Variants in MAP7 observed in about 807,000 individuals in gnomAD.
MAP7 encodes the protein microtubule associated protein 7.
In MAP7, 52 loss-of-function variants were observed where a neutral mutation model predicts 94.8. That is an observed-to-expected ratio of 0.55 (90% confidence interval 0.44 to 0.69). MAP7 has a LOEUF of 0.69. MAP7 is among the 30% of genes least tolerant of loss of function. MAP7 has a pLI of 0.00. For missense variants in MAP7, 940 were observed against 964.6 expected (o/e 0.97, Z 0.34); for synonymous variants, 350 against 357.0 (o/e 0.98, Z 0.22).
chr6:136,471,831 C>T (rs1267227676), intron 1 of MAP7, among the ~76,000 whole-genome samples: 1 of 152,072 alleles, frequency 6.6e-6, no homozygotes, highest in East Asian at 1.9e-4. Flanking sequence ...TCAAGCCTTC[C>T]CACTCTTCTT....
intron 1 of MAP7, among the ~76,000 whole-genome samples, chr6:136,427,929 G>A (rs993001318): frequency 6.6e-6 from 1 of 152,126 alleles, no homozygotes; most frequent in Non-Finnish European, 1.5e-5. Flanking sequence ...GTATGACCAT[G>A]ATAGAAAATG....
rs564700724 is a variant in MAP7, at chr6:136,391,327, C to T, written c.245-1810G>A. Among the ~76,000 whole-genome samples the T allele has an allele frequency of 2.8e-5, 4 of 142,610 alleles. No individual in the cohort carries two copies. In the South Asian group the frequency reaches 6.9e-4, roughly 24 times the overall value. 93.6% of individuals were successfully genotyped at this position (142,610 alleles called of 152,430 possible). Reference sequence around the variant, plus strand: ...CAAAAAACCAAACACTGCATATTCTCACTCATAGGTGGGAATTGAACAATG... The same window carrying T: ...CAAAAAACCAAACACTGCATATTCTTACTCATAGGTGGGAATTGAACAATG... On this transcript the variant is annotated intron_variant, in intron 3 of 17. Coordinates refer to ENST00000354570, the MANE Select transcript of MAP7 (RefSeq NM_003980.6).
At chr6:136,377,511 C>A (rs1776508573) in intron 7 of MAP7, among the ~76,000 whole-genome samples, 1 of 152,160 alleles carries the variant, frequency 6.6e-6, no homozygotes. Flanking sequence ...CAGACAGAAG[C>A]CTCTGAAGCC....
chr6:136,382,763 T>C (rs1017621855), intron 6 of MAP7, among the ~76,000 whole-genome samples: 4 of 152,104 alleles, frequency 2.6e-5, no homozygotes, highest in Non-Finnish European at 4.4e-5. Context: ...ATACAGAACA[T>C]GCACACATTA....
chr6:136,399,731 A>G (rs1026615477), intron 3 of MAP7, among the ~76,000 whole-genome samples: 1 of 152,208 alleles, frequency 6.6e-6, no homozygotes, highest in African/African-American at 2.4e-5. Context: ...GTGATTACTT[A>G]TATTCAAATA....
At chr6:136,354,161 ATATG>A (rs1790110008) in intron 16 of MAP7, among the ~76,000 whole-genome samples, 2 of 140,110 alleles carry the variant, frequency 1.4e-5, no homozygotes, top group East Asian at 3.9e-4. Flanking sequence ...ATATATAAAA[ATATG>A]TATCTACTAT....
intron 1 of MAP7, among the ~76,000 whole-genome samples, chr6:136,477,720 T>G (rs1048904552): frequency 6.6e-6 from 1 of 152,166 alleles, no homozygotes; most frequent in Non-Finnish European, 1.5e-5. Flanking sequence ...AGCTGGACAC[T>G]TCAACACCAC....
At chr6:136,464,117 C>T (rs190435953) in intron 1 of MAP7, among the ~76,000 whole-genome samples, 2 of 152,314 alleles carry the variant, frequency 1.3e-5, no homozygotes, top group African/African-American at 4.8e-5. Context: ...AATTATCTTT[C>T]TGGAGTATTC....
intron 9 of MAP7, 36 bp from the exon 10 acceptor site, chr6:136,366,054 C>A: frequency 6.3e-7 from 1 of 1,584,128 alleles, no homozygotes; most frequent in African/African-American, 1.3e-5. Flanking sequence ...CAAAAGGGGA[C>A]ACATGAGAAC....
chr6:136,507,086 T>C (rs1821748076), intron 1 of MAP7, among the ~76,000 whole-genome samples: 1 of 152,144 alleles, frequency 6.6e-6, no homozygotes. Context: ...TCGTTTCTGT[T>C]TTTTTGCTCA....
intron 1 of MAP7, among the ~76,000 whole-genome samples, chr6:136,426,451 A>G (rs1319475584): frequency 6.6e-6 from 1 of 152,250 alleles, no homozygotes; most frequent in Non-Finnish European, 1.5e-5. Flanking sequence ...AAATTGCAAC[A>G]ATAGACCGAT....
intron 1 of MAP7, among the ~76,000 whole-genome samples, chr6:136,496,059 C>T (rs914165658): frequency 6.6e-6 from 1 of 152,216 alleles, no homozygotes; most frequent in African/African-American, 2.4e-5. Flanking sequence ...GCATAACTTA[C>T]ATCCCCAAAC....
At chr6:136,541,010 C>T (rs1562495519) in intron 1 of MAP7, among the ~76,000 whole-genome samples, 4 of 152,190 alleles carry the variant, frequency 2.6e-5, no homozygotes, top group South Asian at 2.1e-4. Context: ...GAACCCACCA[C>T]GCCTGTGGTG....
chr6:136,440,188 C>T (rs1797436108), intron 1 of MAP7, among the ~76,000 whole-genome samples: 1 of 152,060 alleles, frequency 6.6e-6, no homozygotes, highest in African/African-American at 2.4e-5. Flanking sequence ...TATAATCACT[C>T]AGCACAATAT....
At chr6:136,511,800 A>G (rs1051008322) in intron 1 of MAP7, among the ~76,000 whole-genome samples, 3 of 152,232 alleles carry the variant, frequency 2.0e-5, no homozygotes, top group African/African-American at 7.2e-5. Context: ...CTGAATTTCA[A>G]CTGTGCAAAA....
chr6:136,362,065 T>A (rs1792963388), intron 11 of MAP7, among the ~76,000 whole-genome samples: 3 of 151,556 alleles, frequency 2.0e-5, no homozygotes, highest in Admixed American at 1.3e-4. Flanking sequence ...AAAATTGGTA[T>A]GATTATGGAT....
chr6:136,461,420 AATGTTG>A (rs1439561985), intron 1 of MAP7, among the ~76,000 whole-genome samples: 1 of 152,222 alleles, frequency 6.6e-6, no homozygotes, highest in East Asian at 1.9e-4. Flanking sequence ...ATTATATAAA[AATGTTG>A]ATCTTTGACT....
At chr6:136,467,246 G>C (rs1268952192) in intron 1 of MAP7, among the ~76,000 whole-genome samples, 1 of 152,096 alleles carries the variant, frequency 6.6e-6, no homozygotes, top group African/African-American at 2.4e-5. Flanking sequence ...GTCTGTCTTT[G>C]GGCTTCCTGA....
At chr6:136,477,666 C>G (rs1360830084) in intron 1 of MAP7, among the ~76,000 whole-genome samples, 1 of 152,098 alleles carries the variant, frequency 6.6e-6, no homozygotes, top group African/African-American at 2.4e-5. Context: ...AAATATAAAG[C>G]AAATGTTAGA....
Sources: gnomAD v4.1 joint callset for allele counts (sites outside exome capture counted in the v4.1 genomes callset) on GRCh38, gnomAD v4.1.1 for gene constraint, MANE v1.5 for transcripts, NCBI Gene and HGNC (gene_info 2026-07-23, HGNC 2026-07-21) for gene names.